The following DOK5 variants were observed in gnomAD, a reference collection of about 807,000 sequenced individuals.
DOK5 encodes the protein downstream of tyrosine kinase 5.
A neutral mutation model predicts 43.3 loss-of-function variants in DOK5; 27 were observed. The observed-to-expected ratio is 0.62, with a 90% CI of 0.46 to 0.86. The LOEUF (loss-of-function observed/expected upper bound fraction) is 0.86. DOK5 is among the 40% of genes least tolerant of loss of function. The pLI is 0.00. For synonymous variants in DOK5, 146 were observed against 140.1 expected, an observed-to-expected ratio of 1.04 and a Z score of -0.30; for missense variants, 373 against 392.9, an observed-to-expected ratio of 0.95 and a Z score of 0.43.
Position 54,480,792 on chromosome 20 carries a change from T to C in DOK5, c.66+4780T>C, listed in dbSNP as rs575450581. Among the ~76,000 whole-genome samples, 8 of 152,214 alleles carry C rather than the reference T, an allele frequency of 5.3e-5. No homozygotes were observed. In the East Asian group the frequency reaches 1.4e-3, roughly 26 times the overall value. On this transcript the variant is annotated intron_variant, in intron 1 of 7. Coordinates refer to ENST00000262593, the MANE Select transcript of DOK5 (RefSeq NM_018431.5). ...CCCCAGAACCCTCTCGTTCACTGTT[T>C]TCTCTGCTTGGAATATGCTGTTTCC...
intron 1 of DOK5, 178 bp downstream of exon 1, chr20:54,476,190 G>T (rs1423085402): frequency 2.0e-6 from 2 of 985,316 alleles, no homozygotes; most frequent in African/African-American, 3.5e-5. Context: ...GTCTAGGTAT[G>T]TAATGGATCT....
intron 2 of DOK5, among the ~76,000 whole-genome samples, chr20:54,572,566 T>C (rs2146749342): frequency 6.6e-6 from 1 of 152,304 alleles, no homozygotes; most frequent in Admixed American, 6.5e-5. Context: ...ACGTAATACC[T>C]AGCATATAAT....
intron 1 of DOK5, among the ~76,000 whole-genome samples, chr20:54,479,304 C>T (rs114763975): frequency 0.011 from 1,639 of 152,244 alleles, 36 homozygotes; most frequent in African/African-American, 0.038. Context: ...AGCTTAATCC[C>T]CATTGTTTCC....
At chr20:54,639,420 C>T (rs1978999672) in intron 6 of DOK5, among the ~76,000 whole-genome samples, 1 of 152,190 alleles carries the variant, frequency 6.6e-6, no homozygotes, top group Non-Finnish European at 1.5e-5. Flanking sequence ...AAACTATCCC[C>T]CAAAGTAACA....
intron 1 of DOK5, among the ~76,000 whole-genome samples, chr20:54,527,260 G>GT (rs960093801): frequency 8.6e-5 from 13 of 151,996 alleles, no homozygotes; most frequent in East Asian, 1.9e-4. Context: ...CATTTTAAAA[G>GT]TTTTTTTTAA....
intron 1 of DOK5, among the ~76,000 whole-genome samples, chr20:54,532,147 A>G (rs1168936080): frequency 6.6e-6 from 1 of 152,162 alleles, no homozygotes; most frequent in Non-Finnish European, 1.5e-5. Flanking sequence ...CTTATATTCC[A>G]GGCCTTGTTC....
chr20:54,612,815 A>G (rs2146795748), intron 6 of DOK5, among the ~76,000 whole-genome samples: 1 of 152,304 alleles, frequency 6.6e-6, no homozygotes, highest in South Asian at 2.1e-4. Flanking sequence ...AGTGTTCAAG[A>G]TCATGGCCCG....
intron 5 of DOK5, among the ~76,000 whole-genome samples, chr20:54,593,543 C>CA (rs1986044177): frequency 6.6e-6 from 1 of 151,996 alleles, no homozygotes; most frequent in Non-Finnish European, 1.5e-5. Flanking sequence ...TAAGAAAATC[C>CA]CAGGCCAGGA....
intron 1 of DOK5, among the ~76,000 whole-genome samples, chr20:54,520,682 G>T (rs2146695993): frequency 6.6e-6 from 1 of 152,188 alleles, no homozygotes; most frequent in South Asian, 2.1e-4. Context: ...TACTTGGAAA[G>T]ACTGAAGCAG....
At chr20:54,476,823 C>T (rs1981446844) in intron 1 of DOK5, among the ~76,000 whole-genome samples, 1 of 152,186 alleles carries the variant, frequency 6.6e-6, no homozygotes, top group Non-Finnish European at 1.5e-5. Context: ...TCTCTTGGCT[C>T]TTCGCTGGAG....
chr20:54,638,122 G>A (rs200745659), intron 6 of DOK5, among the ~76,000 whole-genome samples: 45 of 130,100 alleles, frequency 3.5e-4, no homozygotes, highest in South Asian at 7.8e-4. Flanking sequence ...ACTCTGTCTC[G>A]AAAAAAAAAA....
At chr20:54,512,762 G>C (rs1983054649) in intron 1 of DOK5, among the ~76,000 whole-genome samples, 2 of 152,196 alleles carry the variant, frequency 1.3e-5, no homozygotes, top group Admixed American at 1.3e-4. Context: ...TCACTACATA[G>C]CTGCTGTAAT....
chr20:54,571,728 AG>A (rs1985287754), intron 2 of DOK5, among the ~76,000 whole-genome samples: 1 of 152,188 alleles, frequency 6.6e-6, no homozygotes, highest in Admixed American at 6.5e-5. Context: ...TGCCTGCTTA[AG>A]CCTTTTAATT....
intron 2 of DOK5, among the ~76,000 whole-genome samples, chr20:54,583,813 G>A (rs986028132): frequency 6.6e-6 from 1 of 151,860 alleles, no homozygotes; most frequent in African/African-American, 2.4e-5. Flanking sequence ...GCATATCGTT[G>A]GACCTGGTTT....
chr20:54,506,060 G>C lies in DOK5; in HGVS notation c.66+30048G>C, dbSNP rs1982792798. 2.6e-5 allele frequency among the ~76,000 whole-genome samples: 4 copies of C among 152,304 alleles called. No homozygotes were observed. The South Asian group carries it at 6.2e-4, about 24-fold the overall frequency. Reference sequence around the variant, plus strand: ...TGGCTGCAGATGGCGGCCATGAGTGGCAGCTTGAACTGGGGTTAGAGCTGT... The same window carrying C: ...TGGCTGCAGATGGCGGCCATGAGTGCCAGCTTGAACTGGGGTTAGAGCTGT... On this transcript the variant is annotated intron_variant, in intron 1 of 7. Transcript: ENST00000262593.
intron 2 of DOK5, among the ~76,000 whole-genome samples, chr20:54,557,597 C>A (rs1414011050): frequency 6.6e-6 from 1 of 152,200 alleles, no homozygotes; most frequent in African/African-American, 2.4e-5. Flanking sequence ...TTTCCTTAAT[C>A]CCACCTTCCT....
intron 1 of DOK5, among the ~76,000 whole-genome samples, chr20:54,488,758 C>T (rs999786909): frequency 9.4e-5 from 13 of 137,778 alleles, no homozygotes; most frequent in Non-Finnish European, 1.7e-4. Context: ...TCCCTCTTTC[C>T]CTACCCCTCC....
At chr20:54,626,934 A>G (rs1283005818) in intron 6 of DOK5, among the ~76,000 whole-genome samples, 1 of 152,208 alleles carries the variant, frequency 6.6e-6, no homozygotes, top group Admixed American at 6.5e-5. Flanking sequence ...CTCCCTGTTC[A>G]TTTATGAGTT....
At position 54,542,211 on chromosome 20, in the gene DOK5, C is replaced by T. The variant is rs531252077; in HGVS notation, c.67-12722C>T. On this transcript the variant is annotated intron_variant, in intron 1 of 7. Transcript: ENST00000262593. ...GACAGCAGATTTTCTCCCTTTTGTT[C>T]ATAGCCATAGCCCCTGTACCTAAAT... Among the ~76,000 whole-genome samples, 4 of 151,992 alleles carry T rather than the reference C, an allele frequency of 2.6e-5. No individual in the cohort carries two copies. In the East Asian group the frequency reaches 7.7e-4, roughly 29 times the overall value.
Sources: allele counts gnomAD v4.1 joint callset (sites outside exome capture counted in the v4.1 genomes callset), GRCh38; gene constraint gnomAD v4.1.1; transcripts MANE v1.5; gene names NCBI Gene and HGNC (gene_info 2026-07-23, HGNC 2026-07-21).